MTMR3: variants seen among roughly 807,000 people sequenced by gnomAD.
MTMR3 encodes phosphatidylinositol-3,5-bisphosphate 3-phosphatase MTMR3.
In MTMR3, 32 loss-of-function variants were observed where a neutral mutation model predicts 132.4. The ratio of observed to expected loss-of-function variants is 0.24; its 90% CI spans 0.18 to 0.32. MTMR3 has a LOEUF of 0.32. Among genes scored for constraint, MTMR3 ranks in the 10% least tolerant of loss-of-function variants. MTMR3 has a pLI of 1.00. For missense variants in MTMR3, 1,216 were observed against 1,489.6 expected (o/e 0.82, Z 3.02); for synonymous variants, 556 against 550.3 (o/e 1.01, Z -0.14).
intron 3 of MTMR3, among the ~76,000 whole-genome samples, chr22:29,972,181 G>C (rs1209637821): frequency 1.3e-5 from 2 of 152,008 alleles, no homozygotes; most frequent in African/African-American, 4.8e-5. Context: ...TTATTTTATT[G>C]GTTTTCCCAC....
At chr22:29,934,683 T>C (rs2065714253) in intron 1 of MTMR3, among the ~76,000 whole-genome samples, 1 of 152,212 alleles carries the variant, frequency 6.6e-6, no homozygotes, top group Non-Finnish European at 1.5e-5. Context: ...TGGTGAGTTG[T>C]TTGTCCTACC....
rs1204555557 is a variant in MTMR3 at position 29,904,558 on chromosome 22, T to C, written c.-138+21199T>C. Among the ~76,000 whole-genome samples the C allele has an allele frequency of 4.6e-5, 7 of 152,224 alleles. No homozygotes were observed. The East Asian group carries it at 1.3e-3, about 29-fold the overall frequency. ...GGCTAACAATAATACCTCTTAGGGC[T>C]CTTGTGAGATTTCAGCAAGTGCTTA... On this transcript the variant is annotated intron_variant, in intron 1 of 19. Transcript: ENST00000401950.
In MTMR3 at chr22:30,023,786, C is replaced by G. The variant is rs1294761726; in HGVS notation, c.3425+1089C>G. On this transcript the variant is annotated intron_variant, in intron 19 of 19. Transcript: ENST00000401950. ...AGGGGAACCAGTTGGGTTTTCAGAG[C>G]TATTTATTTTGGGTCAGTGATTCAT... The G allele has an allele frequency of 7.4e-6, 3 of 403,294 alleles. No homozygotes were observed. The Admixed American group carries it at 1.2e-4, about 17-fold the overall frequency. 25.0% of individuals were successfully genotyped at this position (403,294 alleles called of 1,614,324 possible). A position where few individuals can be genotyped will look rare whatever the true frequency, so the allele number is the denominator to read the frequency against.
chr22:29,969,372 A>G (rs1248344257), intron 2 of MTMR3, among the ~76,000 whole-genome samples: 1 of 152,150 alleles, frequency 6.6e-6, no homozygotes, highest in Non-Finnish European at 1.5e-5. Context: ...TATATCCAGA[A>G]TCAGTAACAT....
chr22:29,946,432 G>A (rs2065955208), intron 1 of MTMR3, among the ~76,000 whole-genome samples: 1 of 152,156 alleles, frequency 6.6e-6, no homozygotes, highest in African/African-American at 2.4e-5. Flanking sequence ...GTAGCTGAGG[G>A]CTCGAGAGAA....
intron 10 of MTMR3, 78 bp downstream of exon 10, chr22:30,007,397 AAGACAT>A (rs1351171447): frequency 5.1e-6 from 7 of 1,362,672 alleles, no homozygotes; most frequent in Non-Finnish European, 7.2e-6. Flanking sequence ...TCTTCCTTAC[AAGACAT>A]AGATTTACTT....
intron 1 of MTMR3, among the ~76,000 whole-genome samples, chr22:29,897,275 C>T (rs1728299817): frequency 6.6e-6 from 1 of 151,830 alleles, no homozygotes; most frequent in African/African-American, 2.4e-5. Flanking sequence ...CAGGGTTTCA[C>T]CATGTTGGCC....
chr22:29,989,585 A>G (rs188922315), intron 6 of MTMR3: 1 of 152,266 alleles, frequency 6.6e-6, no homozygotes, highest in East Asian at 1.9e-4. Flanking sequence ...TTTGCAGAAT[A>G]CAATCTTTTG....
chr22:30,021,176 T>C, intron 17 of MTMR3: 1 of 433,608 alleles, frequency 2.3e-6, no homozygotes, highest in Non-Finnish European at 4.2e-6. Flanking sequence ...ATCATAAGTC[T>C]TCAGAAGGGC....
intron 7 of MTMR3, chr22:29,997,132 T>C (rs2067078319): frequency 6.6e-6 from 1 of 152,256 alleles, no homozygotes; most frequent in South Asian, 2.1e-4. Context: ...CTACATTGCT[T>C]CTAAAACTTT....
rs541921541 is a variant in MTMR3, at chr22:29,896,252, G to A, written c.-138+12893G>A. 8.5e-5 allele frequency among the ~76,000 whole-genome samples: 13 copies of A among 152,314 alleles called. No homozygotes were observed. The South Asian group carries it at 2.3e-3, about 27-fold the overall frequency. On this transcript the variant is annotated intron_variant, in intron 1 of 19. Coordinates refer to ENST00000401950, the MANE Select transcript of MTMR3 (RefSeq NM_021090.4). ...TTGAACACAGGAAGTAGAGGTTGCA[G>A]TGAGCCCAGATCACACCACTGCACT...
At chr22:30,024,373 TAAA>T (rs1336077799) in intron 19 of MTMR3, 3 of 152,216 alleles carry the variant, frequency 2.0e-5, no homozygotes, top group Non-Finnish European at 4.4e-5. Flanking sequence ...GCAGGAATGT[TAAA>T]GAAGTGTAGA....
intron 5 of MTMR3, chr22:29,983,147 T>C (rs942476425): frequency 6.6e-6 from 1 of 152,186 alleles, no homozygotes; most frequent in Non-Finnish European, 1.5e-5. Context: ...ATGAGTCCTT[T>C]TCCTCTTACT....
chr22:29,959,649 G>A (rs927076638), intron 2 of MTMR3, among the ~76,000 whole-genome samples: 1 of 152,156 alleles, frequency 6.6e-6, no homozygotes, highest in Admixed American at 6.5e-5. Context: ...AAAGTGCTGG[G>A]ATTACAGATG....
chr22:29,904,492 G>A (rs1438147586), intron 1 of MTMR3, among the ~76,000 whole-genome samples: 1 of 152,134 alleles, frequency 6.6e-6, no homozygotes, highest in Non-Finnish European at 1.5e-5. Flanking sequence ...TGTGATCTTG[G>A]GGAAGTTCTT....
intron 1 of MTMR3, among the ~76,000 whole-genome samples, chr22:29,903,936 A>T (rs2065048003): frequency 6.6e-6 from 1 of 152,116 alleles, no homozygotes; most frequent in African/African-American, 2.4e-5. Flanking sequence ...TTTGGTGAAC[A>T]GGTATCTCAT....
chr22:30,009,954 T>C (rs930734373), intron 12 of MTMR3: 8 of 152,246 alleles, frequency 5.3e-5, no homozygotes, highest in Non-Finnish European at 1.2e-4. Context: ...ATTTGATTTA[T>C]TAAATCAGAT....
chr22:29,962,563 C>T (rs2066332859), intron 2 of MTMR3, among the ~76,000 whole-genome samples: 1 of 152,094 alleles, frequency 6.6e-6, no homozygotes, highest in Admixed American at 6.6e-5. Flanking sequence ...CCTGGCTACT[C>T]TGGAGGCTGA....
Position 29,972,460 on chromosome 22 carries a change from C to T in MTMR3, c.3+1398C>T, listed in dbSNP as rs75741606. ...TCTGTGTGTACTAGTTGGGGAGTAG[C>T]ATGGCCATGTATGTATCTTTTGTTT... On this transcript the variant is annotated intron_variant, in intron 3 of 19. Transcript: ENST00000401950. Among the ~76,000 whole-genome samples, 681 of 152,296 alleles carry T rather than the reference C, an allele frequency of 4.5e-3. 6 individuals carry two copies. Among genetic ancestry groups the T allele is most frequent in the African/African-American group, 0.015 (643 of 41,558 alleles).
Sources: allele counts gnomAD v4.1 joint callset (sites outside exome capture counted in the v4.1 genomes callset), GRCh38; gene constraint gnomAD v4.1.1; transcripts MANE v1.5; gene names NCBI Gene and HGNC (gene_info 2026-07-23, HGNC 2026-07-21).